Variants in PEX7 observed in about 807,000 individuals in gnomAD.
PEX7 encodes PTS2 receptor.
In PEX7, 34 loss-of-function variants were observed where a neutral mutation model predicts 47.5. That is an observed-to-expected ratio of 0.72 (90% confidence interval 0.54 to 0.95). The LOEUF is 0.95. Ranked by LOEUF, PEX7 falls within the 40% of genes least tolerant of loss-of-function variation. PEX7 has a pLI of 0.00. For synonymous variants in PEX7, 141 were observed against 148.8 expected (o/e 0.95, Z 0.38); for missense variants, 394 against 400.3 (o/e 0.98, Z 0.13).
intron 3 of PEX7, among the ~76,000 whole-genome samples, chr6:136,829,148 T>C (rs2115136721): frequency 6.6e-6 from 1 of 152,344 alleles, no homozygotes; most frequent in South Asian, 2.1e-4. Flanking sequence ...AGATAACCTT[T>C]TTAGGTATTT....
chr6:136,860,034 A>C (rs544334596), intron 5 of PEX7, among the ~76,000 whole-genome samples: 8 of 151,984 alleles, frequency 5.3e-5, no homozygotes, highest in Non-Finnish European at 2.9e-5. Flanking sequence ...AAAAGAAAAA[A>C]AAATTCACTG....
intron 9 of PEX7, among the ~76,000 whole-genome samples, chr6:136,903,336 C>CTTTTTTTTT (rs552573661): frequency 7.9e-6 from 1 of 126,318 alleles, no homozygotes; most frequent in Non-Finnish European, 1.6e-5. Flanking sequence ...CTTTCTTTCT[C>CTTTTTTTTT]TTTTTTTTTT....
chr6:136,898,265 T>C (rs373498098), intron 9 of PEX7, 24 bp downstream of exon 9: 52 of 1,365,558 alleles, frequency 3.8e-5, no homozygotes, highest in Non-Finnish European at 4.9e-5. Context: ...TCTCATGATA[T>C]TCTCTTCTGC....
At chr6:136,860,723 A>G (rs574168200) in intron 5 of PEX7, among the ~76,000 whole-genome samples, 114 of 151,902 alleles carry the variant, frequency 7.5e-4, no homozygotes, top group African/African-American at 2.7e-3. Context: ...AACCTTTGTT[A>G]TTGTGTTTTT....
chr6:136,887,394 T>G (rs1412495967), intron 8 of PEX7, among the ~76,000 whole-genome samples: 1 of 152,174 alleles, frequency 6.6e-6, no homozygotes, highest in African/African-American at 2.4e-5. Context: ...GCAAGGCTGT[T>G]CCCACAGAGC....
intron 3 of PEX7, chr6:136,830,016 G>T: frequency 1.4e-6 from 1 of 714,650 alleles, no homozygotes. Context: ...GTATGTTCAG[G>T]GAAGCTGTGT....
intron 3 of PEX7, among the ~76,000 whole-genome samples, chr6:136,834,052 G>T (rs1382981033): frequency 1.3e-5 from 2 of 152,216 alleles, no homozygotes; most frequent in African/African-American, 4.8e-5. Flanking sequence ...CAACATGATA[G>T]ATATTGAAAA....
intron 3 of PEX7, among the ~76,000 whole-genome samples, chr6:136,828,992 C>A (rs1774246718): frequency 6.6e-6 from 1 of 152,096 alleles, no homozygotes; most frequent in Non-Finnish European, 1.5e-5. Flanking sequence ...AGTTAGACTT[C>A]CTCGTTTTCT....
At chr6:136,862,320 C>G (rs1472837107) in intron 5 of PEX7, among the ~76,000 whole-genome samples, 2 of 151,602 alleles carry the variant, frequency 1.3e-5, no homozygotes, top group Non-Finnish European at 2.9e-5. Flanking sequence ...TCAAGTGATC[C>G]ACCTGCCTTA....
intron 4 of PEX7, 139 bp from the exon 5 acceptor site, chr6:136,845,934 T>G (rs1774590256): frequency 1.5e-6 from 1 of 685,402 alleles, no homozygotes; most frequent in Non-Finnish European, 2.6e-6. Context: ...TCAAAACAGA[T>G]CTTTAAAAAT....
chr6:136,905,524 G>A (rs1192205285), intron 9 of PEX7, among the ~76,000 whole-genome samples: 2 of 152,068 alleles, frequency 1.3e-5, no homozygotes, highest in Non-Finnish European at 2.9e-5. Flanking sequence ...CCTGAAACCC[G>A]AATTAGCCTT....
intron 8 of PEX7, 112 bp from the exon 9 acceptor site, chr6:136,898,016 TGTATTTATGAATTG>T: frequency 3.0e-6 from 2 of 669,394 alleles, no homozygotes; most frequent in Non-Finnish European, 5.4e-6. Context: ...AGTGGGGTTC[TGTATTTATGAATTG>T]GCTGAGCCTG....
At chr6:136,898,442 G>T (rs1383445824) in intron 9 of PEX7, among the ~76,000 whole-genome samples, 1 of 152,188 alleles carries the variant, frequency 6.6e-6, no homozygotes, top group African/African-American at 2.4e-5. Flanking sequence ...TTCCCTGAGA[G>T]AAAAAGGAAC....
chr6:136,873,711 G>A (rs999900969), intron 8 of PEX7, among the ~76,000 whole-genome samples: 18 of 152,046 alleles, frequency 1.2e-4, no homozygotes, highest in Admixed American at 5.2e-4. Context: ...GAGTACAAAC[G>A]CCTTTAGTGT....
chr6:136,838,204 G>A (rs1415658759), intron 3 of PEX7, among the ~76,000 whole-genome samples: 1 of 152,170 alleles, frequency 6.6e-6, no homozygotes. Flanking sequence ...ATCACTAAAA[G>A]TGGGTCAACC....
intron 5 of PEX7, among the ~76,000 whole-genome samples, chr6:136,862,671 C>T (rs1774988778): frequency 6.6e-6 from 1 of 152,178 alleles, no homozygotes; most frequent in Non-Finnish European, 1.5e-5. Flanking sequence ...CCATCATGCC[C>T]AGCCTCCTGA....
At chr6:136,838,248 T>TA (rs1328408923) in intron 3 of PEX7, among the ~76,000 whole-genome samples, 4 of 152,160 alleles carry the variant, frequency 2.6e-5, no homozygotes, top group Non-Finnish European at 2.9e-5. Flanking sequence ...AATTGGAAGC[T>TA]AAAAAACATG....
chr6:136,823,264 C>T lies in PEX7; in HGVS notation c.130+469C>T, dbSNP rs140238895. 4,889 of 985,416 alleles carry T rather than the reference C, an allele frequency of 5.0e-3. 20 individuals are homozygous for T. The highest frequency in any genetic ancestry group is 5.5e-3 in the Non-Finnish European group (4,597 of 829,926). The allele number at this position is 985,416 out of a possible 1,614,324, so 61.0% of individuals were successfully genotyped here. On this transcript the variant is annotated intron_variant, in intron 1 of 9. Transcript: ENST00000318471. Reference sequence around the variant, plus strand: ...ACTGAGCTGCGACCTGCGGGCTGGCCTTCCTAAGGACGATGCTCCTGAATG... The same window carrying T: ...ACTGAGCTGCGACCTGCGGGCTGGCTTTCCTAAGGACGATGCTCCTGAATG...
At chr6:136,865,108 A>G (rs1190772988) in intron 5 of PEX7, among the ~76,000 whole-genome samples, 3 of 152,214 alleles carry the variant, frequency 2.0e-5, no homozygotes, top group Non-Finnish European at 4.4e-5. Flanking sequence ...TGTGCAATTA[A>G]GTAATGCAAA....
Sources: allele counts gnomAD v4.1 joint callset (sites outside exome capture counted in the v4.1 genomes callset), GRCh38; gene constraint gnomAD v4.1.1; transcripts MANE v1.5; gene names NCBI Gene and HGNC (gene_info 2026-07-23, HGNC 2026-07-21).